ESRRG: variants seen among roughly 807,000 people sequenced by gnomAD.
ESRRG encodes estrogen-related receptor gamma.
Under a neutral mutation model 44.0 loss-of-function variants are expected in ESRRG, and 13 were observed. That is an observed-to-expected ratio of 0.30 (90% confidence interval 0.19 to 0.47). The LOEUF (loss-of-function observed/expected upper bound fraction) is 0.47. Among genes scored for constraint, ESRRG ranks in the 20% least tolerant of loss-of-function variants. The pLI, the probability that ESRRG is intolerant of heterozygous loss-of-function variation, is 1.00. For synonymous variants in ESRRG, 215 were observed against 214.6 expected (o/e 1.00, Z -0.02); for missense variants, 395 against 580.6 (o/e 0.68, Z 3.29).
At position 216,681,368 on chromosome 1, in the gene ESRRG, T is replaced by C. The variant is rs113910588; in HGVS notation, c.57-3877A>G. Among the ~76,000 whole-genome samples the C allele has an allele frequency of 2.3e-3, 344 of 152,294 alleles. 1 individual carries two copies. The highest frequency in any genetic ancestry group is 7.7e-3 in the African/African-American group (319 of 41,566). On this transcript the variant is annotated intron_variant, in intron 1 of 6. Transcript: ENST00000408911. ...TGCTGGTTTGTTACACATGTATACA[T>C]GTGCCATGTTGGTGTGCTGCACCCA...
chr1:216,793,395 T>C (rs2094380394), intron 2 of ESRRG, among the ~76,000 whole-genome samples: 1 of 152,190 alleles, frequency 6.6e-6, no homozygotes. Context: ...AACTTCTGTT[T>C]TGGCCTTTCT....
chr1:216,805,878 G>A (rs1255383517), intron 2 of ESRRG, among the ~76,000 whole-genome samples: 29 of 152,114 alleles, frequency 1.9e-4, no homozygotes, highest in Admixed American at 1.8e-3. Context: ...TCCCTGCTAG[G>A]GACATAAGAG....
In ESRRG at chr1:216,741,626, T is replaced by C. The variant is rs555364028; in HGVS notation, c.-13-64135A>G. Among the ~76,000 whole-genome samples, 3 of 152,312 alleles carry C rather than the reference T, an allele frequency of 2.0e-5. 1 individual carries two copies. In the South Asian group the frequency reaches 6.2e-4, roughly 32 times the overall value. On this transcript the variant is annotated intron_variant, in intron 2 of 7. Coordinates refer to the ESRRG transcript ENST00000359162. ...GCTACTTGAAGGCAGAGACCCTGTC[T>C]CATCTCAGAATGCTTAGAACACAGC...
At chr1:216,632,986 AAG>A (rs138135698) in intron 3 of ESRRG, among the ~76,000 whole-genome samples, 3 of 150,944 alleles carry the variant, frequency 2.0e-5, no homozygotes, top group Admixed American at 6.6e-5. Context: ...TTTTAAGAGG[AAG>A]AGAGAGAGAG....
intron 1 of ESRRG, among the ~76,000 whole-genome samples, chr1:216,940,715 C>T (rs2065077892): frequency 6.6e-6 from 1 of 152,172 alleles, no homozygotes; most frequent in East Asian, 1.9e-4. Context: ...AGAGGGACCT[C>T]TAAATCTATT....
intron 2 of ESRRG, among the ~76,000 whole-genome samples, chr1:216,879,258 G>A (rs2096404301): frequency 6.6e-6 from 1 of 152,056 alleles, no homozygotes; most frequent in Non-Finnish European, 1.5e-5. Flanking sequence ...TTGGTAAATG[G>A]TTATGGAGCA....
At chr1:216,741,828 G>A (rs985291945) in intron 2 of ESRRG, among the ~76,000 whole-genome samples, 6 of 152,108 alleles carry the variant, frequency 3.9e-5, no homozygotes, top group Non-Finnish European at 8.8e-5. Flanking sequence ...TGGGTGCTTG[G>A]AATACACTTG....
intron 1 of ESRRG, among the ~76,000 whole-genome samples, chr1:217,017,478 CAAAAAAAAAAA>C (rs55820027): frequency 1.2e-5 from 1 of 82,492 alleles, no homozygotes; most frequent in South Asian, 4.9e-4. Context: ...CTACATAACT[CAAAAAAAAAAA>C]AAAAAAAAAG....
At chr1:216,811,539 G>A (rs1455022681) in intron 2 of ESRRG, among the ~76,000 whole-genome samples, 2 of 152,164 alleles carry the variant, frequency 1.3e-5, no homozygotes. Flanking sequence ...GAAGAAGACG[G>A]ATGACAATCA....
At chr1:216,525,786 C>G (rs906649113) in intron 5 of ESRRG, among the ~76,000 whole-genome samples, 2 of 152,120 alleles carry the variant, frequency 1.3e-5, no homozygotes, top group Non-Finnish European at 2.9e-5. Flanking sequence ...AGGATCTATG[C>G]TTGAATCTGA....
intron 3 of ESRRG, among the ~76,000 whole-genome samples, chr1:216,590,542 T>C (rs1573671211): frequency 1.3e-5 from 2 of 152,208 alleles, no homozygotes; most frequent in Non-Finnish European, 2.9e-5. Context: ...AAATAAGAAG[T>C]CTACTGAAAT....
At chr1:216,524,545 A>C (rs923947806) in intron 5 of ESRRG, among the ~76,000 whole-genome samples, 2 of 152,094 alleles carry the variant, frequency 1.3e-5, no homozygotes, top group African/African-American at 4.8e-5. Flanking sequence ...AGATTTCAAT[A>C]ATTTAGATTC....
intron 1 of ESRRG, among the ~76,000 whole-genome samples, chr1:217,021,038 C>G (rs1259119687): frequency 8.0e-6 from 1 of 125,374 alleles, no homozygotes; most frequent in Non-Finnish European, 1.7e-5. Flanking sequence ...ATCCCCCAAC[C>G]CTGCCATGCA....
chr1:216,708,746 T>C (rs1439016937), intron 1 of ESRRG, among the ~76,000 whole-genome samples: 1 of 152,180 alleles, frequency 6.6e-6, no homozygotes, highest in Admixed American at 6.5e-5. Context: ...ATCATTCTAT[T>C]ATAAAGACAC....
At chr1:217,063,331 T>A (rs1416528) in intron 1 of ESRRG, among the ~76,000 whole-genome samples, 5,990 of 152,294 alleles carry the variant, frequency 0.039, 149 homozygotes, top group South Asian at 0.06. Flanking sequence ...GATATGTTCC[T>A]CAAAGATATC....
Position 216,749,183 on chromosome 1 carries a change from A to G in ESRRG, c.-13-71692T>C, listed in dbSNP as rs11572655. On this transcript the variant is annotated intron_variant, in intron 2 of 7. Coordinates refer to the ESRRG transcript ENST00000359162. ...TGCACTGTTATGCCATCACTTAAGG[A>G]TCAATTAACTGGTCTCTGTGGCAAA... 8.4e-3 allele frequency among the ~76,000 whole-genome samples: 1,278 copies of G among 151,246 alleles called. 22 individuals carry two copies. The highest frequency in any genetic ancestry group is 0.03 in the African/African-American group (1,244 of 41,252).
At chr1:216,778,656 C>T (rs180756629) in intron 2 of ESRRG, among the ~76,000 whole-genome samples, 10 of 151,976 alleles carry the variant, frequency 6.6e-5, no homozygotes, top group East Asian at 5.9e-4. Context: ...ACTATAGACA[C>T]GCAGGAGGAG....
intron 2 of ESRRG, among the ~76,000 whole-genome samples, chr1:216,793,118 C>T (rs945564104): frequency 1.3e-5 from 2 of 152,086 alleles, no homozygotes; most frequent in African/African-American, 4.8e-5. Flanking sequence ...ATTTTACTGC[C>T]CTTTTGGTCC....
intron 2 of ESRRG, among the ~76,000 whole-genome samples, chr1:216,744,221 A>C (rs1406325396): frequency 6.6e-6 from 1 of 152,206 alleles, no homozygotes; most frequent in Admixed American, 6.5e-5. Context: ...AAACGGCAAT[A>C]AAATAAAGAG....
Sources: allele counts gnomAD v4.1 joint callset (sites outside exome capture counted in the v4.1 genomes callset), GRCh38; gene constraint gnomAD v4.1.1; transcripts MANE v1.5; gene names NCBI Gene and HGNC (gene_info 2026-07-23, HGNC 2026-07-21).